Variants in KIR2DL3 observed in about 807,000 individuals in gnomAD.
KIR2DL3 encodes the protein killer cell immunoglobulin-like receptor 2DL3.
In KIR2DL3, 39 loss-of-function variants were observed where a neutral mutation model predicts 33.8. That is an observed-to-expected ratio of 1.15 (90% CI 0.89 to 1.51). The LOEUF is 1.51. Ranked by LOEUF, KIR2DL3 falls within the 40% of genes most tolerant of loss-of-function variation. The pLI, the probability that KIR2DL3 is intolerant of heterozygous loss-of-function variation, is 0.00. For missense variants in KIR2DL3, 462 were observed against 426.2 expected, an observed-to-expected ratio of 1.08 and a Z score of -0.74; for synonymous variants, 174 against 160.2, an observed-to-expected ratio of 1.09 and a Z score of -0.65.
intron 5 of KIR2DL3, among the ~76,000 whole-genome samples, chr19:54,748,571 T>A (rs1168235628): frequency 3.4e-5 from 5 of 146,480 alleles, no homozygotes; most frequent in African/African-American, 7.5e-5. Context: ...CAAGTGGATC[T>A]ATAAATGAAT....
At chr19:54,746,388 T>C (rs2072490537) in intron 4 of KIR2DL3, among the ~76,000 whole-genome samples, 1 of 142,074 alleles carries the variant, frequency 7.0e-6, no homozygotes, top group Non-Finnish European at 1.6e-5. Flanking sequence ...CAGAAGTTGC[T>C]TAGTTTGAGG....
intron 4 of KIR2DL3, among the ~76,000 whole-genome samples, chr19:54,744,871 TA>T (rs1390040289): frequency 2.0e-3 from 57 of 28,656 alleles, no homozygotes; most frequent in African/African-American, 9.6e-3. Flanking sequence ...TAAATACATT[TA>T]TATATATATA....
chr19:54,752,219 C>G lies in KIR2DL3; in HGVS notation c.824C>G (p.Ala275Gly), dbSNP rs775420267. The G allele has an allele frequency of 6.8e-7, 1 of 1,467,384 alleles. No homozygotes were observed. The highest frequency in any genetic ancestry group is 9.3e-7 in the Non-Finnish European group (1 of 1,078,368). The allele number at this position is 1,467,384 out of a possible 1,614,324, so 90.9% of individuals were successfully genotyped here. ...TGTTGACTTCCGTCTTCTACAGATGCTGTTGTAATGGACCAAGAGCCTGCA... is the reference window on the plus strand; with the variant it reads ...TGTTGACTTCCGTCTTCTACAGATGGTGTTGTAATGGACCAAGAGCCTGCA... ...LHRWCCNKKN[A>G]VVMDQEPAGN... The change falls in exon 7 of 8, where the codon GCT (alanine) becomes GGT (glycine). Residue 275 changes from alanine to glycine, a missense_variant. Physicochemically the swap from Ala to Gly is moderately conservative, Grantham distance 60. Transcript: ENST00000342376.
At position 54,746,931 on chromosome 19, in the gene KIR2DL3, G is replaced by A. The variant is rs368866471; in HGVS notation, c.665-404G>A. Among the ~76,000 whole-genome samples, 1,124 of 147,478 alleles carry A rather than the reference G, an allele frequency of 7.6e-3. 10 individuals carry two copies. The highest frequency in any genetic ancestry group is 0.025 in the East Asian group (129 of 5,120). ...CAGGAGGCTGTGGTGGCAGTGAACC[G>A]AGATTGCACCTCTGCACTCCAGCCT... is the stretch of plus-strand genomic sequence containing the variant. On this transcript the variant is annotated intron_variant, in intron 4 of 7. Transcript: ENST00000342376.
chr19:54,740,276 A>G (rs2070775694), intron 2 of KIR2DL3, among the ~76,000 whole-genome samples: 2 of 152,066 alleles, frequency 1.3e-5, no homozygotes. Context: ...CAAGGTGGTC[A>G]GGACAAGCCC....
intron 4 of KIR2DL3, among the ~76,000 whole-genome samples, chr19:54,746,654 T>G (rs1483326544): frequency 6.7e-6 from 1 of 149,270 alleles, no homozygotes; most frequent in East Asian, 1.9e-4. Flanking sequence ...AAGACTGTCC[T>G]TTCCTGATTG....
rs374131370 is a variant in KIR2DL3 at position 54,738,858 on chromosome 19, G to A, written c.34+279G>A. On this transcript the variant is annotated intron_variant, in intron 1 of 7. Coordinates refer to ENST00000342376, the MANE Select transcript of KIR2DL3 (RefSeq NM_015868.3). The stretch of plus-strand genomic sequence containing the variant: ...GATGGAGATATGGGCCTGCAGTAGA[G>A]ATAGGGGCCTGGAGTGGAGATATGG... Among the ~76,000 whole-genome samples the A allele has an allele frequency of 6.7e-4, 72 of 106,818 alleles. No individual in the cohort carries two copies. In the East Asian group the frequency reaches 0.016, roughly 24 times the overall value. The allele number at this position is 106,818 out of a possible 152,430, so 70.1% of individuals were successfully genotyped here. A position where few individuals can be genotyped will look rare whatever the true frequency, so the allele number is the denominator to read the frequency against.
chr19:54,747,028 C>T (rs116949969), intron 4 of KIR2DL3, among the ~76,000 whole-genome samples: 11,235 of 104,480 alleles, frequency 0.11, 697 homozygotes, highest in Middle Eastern at 0.15. Context: ...TGGATTATAT[C>T]TGTGTTCTTC....
intron 4 of KIR2DL3, among the ~76,000 whole-genome samples, chr19:54,744,948 ATATATATTTTT>A (rs1165288048): frequency 2.3e-4 from 6 of 26,252 alleles, no homozygotes; most frequent in African/African-American, 6.6e-4. Context: ...ATATATATAT[ATATATATTTTT>A]TTTTTTTTTT....
rs550751711 is a variant in KIR2DL3, at chr19:54,752,968, C to T, written c.*449C>T. 598 of 219,048 alleles carry T rather than the reference C, an allele frequency of 2.7e-3. 43 individuals are homozygous for T. The highest frequency in any genetic ancestry group is 4.4e-3 in the Non-Finnish European group (489 of 111,924). 13.6% of individuals were successfully genotyped at this position (219,048 alleles called of 1,614,324 possible). Reference sequence around the variant, plus strand: ...CACCTCCCCTCAGACTAGCTTTCAGCCTTCTGTCAGCAGTAAAACTTATAT... The same window carrying T: ...CACCTCCCCTCAGACTAGCTTTCAGTCTTCTGTCAGCAGTAAAACTTATAT... On this transcript the variant is annotated 3_prime_UTR_variant, in exon 8 of 8. Coordinates refer to ENST00000342376, the MANE Select transcript of KIR2DL3 (RefSeq NM_015868.3).
chr19:54,741,612 G>A (rs1460249689), intron 2 of KIR2DL3, among the ~76,000 whole-genome samples: 7 of 151,754 alleles, frequency 4.6e-5, no homozygotes, highest in South Asian at 4.2e-4. Context: ...GCCAAGGATT[G>A]CAATTCATCC....
Position 54,752,823 on chromosome 19 carries a change from A to C in KIR2DL3, c.*304A>C, listed in dbSNP as rs2073691162. Reference sequence around the variant, plus strand: ...CCCACCTCTCCAACCTAACTGGCTTACTTCCTAGTCTACTTGAGGCTGCAA... The same window carrying C: ...CCCACCTCTCCAACCTAACTGGCTTCCTTCCTAGTCTACTTGAGGCTGCAA... On this transcript the variant is annotated 3_prime_UTR_variant, in exon 8 of 8. Coordinates refer to ENST00000342376, the MANE Select transcript of KIR2DL3 (RefSeq NM_015868.3). The C allele has an allele frequency of 2.0e-6, 1 of 495,442 alleles. No individual in the cohort carries two copies. The allele number at this position is 495,442 out of a possible 1,614,324, so 30.7% of individuals were successfully genotyped here.
At chr19:54,750,721 T>C (rs372253942) in intron 5 of KIR2DL3, among the ~76,000 whole-genome samples, 6 of 138,774 alleles carry the variant, frequency 4.3e-5, no homozygotes, top group East Asian at 2.0e-4. Context: ...ACACAGAGAA[T>C]ACATTACACA....
chr19:54,745,359 G>T (rs1428810297), intron 4 of KIR2DL3, among the ~76,000 whole-genome samples: 2 of 147,840 alleles, frequency 1.4e-5, no homozygotes, highest in South Asian at 4.5e-4. Flanking sequence ...TTAGTTATTC[G>T]TTTGTTGTTT....
intron 5 of KIR2DL3, among the ~76,000 whole-genome samples, chr19:54,751,292 GA>G (rs2147182103): frequency 7.6e-6 from 1 of 131,430 alleles, no homozygotes; most frequent in East Asian, 2.0e-4. Flanking sequence ...GGAACTAATA[GA>G]AGGGGAACTT....
chr19:54,739,261 C>T lies in KIR2DL3; in HGVS notation c.35-246C>T, dbSNP rs112303782. ...GGGTGGAGATCTGAGCCTGGATTGG[C>T]GATATGGGCCTAGGGTGGAAATATC... On this transcript the variant is annotated intron_variant, in intron 1 of 7. Transcript: ENST00000342376. 6.7e-4 allele frequency among the ~76,000 whole-genome samples: 54 copies of T among 80,426 alleles called. No individual in the cohort carries two copies. In the Admixed American group the frequency reaches 7.0e-3, roughly 10 times the overall value. 52.8% of individuals were successfully genotyped at this position (80,426 alleles called of 152,430 possible). A position where few individuals can be genotyped will look rare whatever the true frequency, so the allele number is the denominator to read the frequency against.
At chr19:54,743,565 A>G (rs546928147) in intron 3 of KIR2DL3, among the ~76,000 whole-genome samples, 4 of 152,328 alleles carry the variant, frequency 2.6e-5, no homozygotes, top group African/African-American at 9.6e-5. Flanking sequence ...AGAGAATAAA[A>G]GAATCCAAAA....
At chr19:54,744,826 C>T (rs1316024827) in intron 4 of KIR2DL3, among the ~76,000 whole-genome samples, 4 of 145,268 alleles carry the variant, frequency 2.8e-5, no homozygotes, top group Non-Finnish European at 3.0e-5. Context: ...CGCCCAGCCA[C>T]ATTTACCATT....
chr19:54,744,733 G>C (rs1600379165), intron 4 of KIR2DL3, among the ~76,000 whole-genome samples: 1 of 150,166 alleles, frequency 6.7e-6, no homozygotes, highest in Non-Finnish European at 1.5e-5. Flanking sequence ...CACCATGTTG[G>C]TCGAGCTGGT....
Sources: allele counts gnomAD v4.1 joint callset (sites outside exome capture counted in the v4.1 genomes callset), GRCh38; gene constraint gnomAD v4.1.1; transcripts MANE v1.5; gene names NCBI Gene and HGNC (gene_info 2026-07-23, HGNC 2026-07-21).